Variants in RNF213 observed in about 807,000 individuals in gnomAD.
RNF213 encodes the protein ring finger protein 213.
In RNF213, 341 loss-of-function variants were observed where a neutral mutation model predicts 514.4. The ratio of observed to expected loss-of-function variants is 0.66; its 90% confidence interval spans 0.61 to 0.73. The LOEUF is 0.73. Ranked by LOEUF, RNF213 falls within the 30% of genes least tolerant of loss-of-function variation. The pLI is 0.00. For missense variants in RNF213, 5,767 were observed against 6,615.6 expected (o/e 0.87, Z 4.45); for synonymous variants, 2,655 against 2,658.2 (o/e 1.00, Z 0.04).
chr17:80,265,893 G>A (rs138069704), intron 2 of RNF213, among the ~76,000 whole-genome samples: 76 of 152,088 alleles, frequency 5.0e-4, no homozygotes, highest in Admixed American at 9.2e-4. Flanking sequence ...AATGTAGAAA[G>A]ACTCCATCTC....
In RNF213 at chr17:80,279,044, C is replaced by T. The variant is rs1598905136; in HGVS notation, c.261+5640C>T. On this transcript the variant is annotated intron_variant, in intron 3 of 67. Transcript: ENST00000582970. Reference sequence around the variant, plus strand: ...GAAGGCTGCCCAGGATGGGCGTTTTCGGGTCACCCTTGGGCTGTGAAAGAG... The same window carrying T: ...GAAGGCTGCCCAGGATGGGCGTTTTTGGGTCACCCTTGGGCTGTGAAAGAG... 1.8e-5 allele frequency: 22 copies of T among 1,194,092 alleles called. No homozygotes were observed. In the East Asian group the frequency reaches 2.8e-4, roughly 15 times the overall value. 74.0% of individuals were successfully genotyped at this position (1,194,092 alleles called of 1,614,324 possible).
chr17:80,345,485 C>T lies in RNF213; in HGVS notation c.7150C>T (p.Pro2384Ser). 6.2e-7 allele frequency: 1 copy of T among 1,610,232 alleles called. No individual in the cohort carries two copies. Among genetic ancestry groups the T allele is most frequent in the Non-Finnish European group, 8.5e-7 (1 of 1,177,138 alleles). ...LERLCLTLGI[P>S]QATDPDKTYE... ...GAGGCTCTGCCTGACCTTAGGGATC[C>T]CCCAGGCCACCGACCCCGACAAAAC... Residue 2384 changes from proline (P) to serine (S), a missense_variant, in exon 29 of 68, where the codon CCC becomes TCC. Pro to Ser is a moderately conservative substitution (Grantham distance 74). Transcript: ENST00000582970. This position sits in a 1 kb window ranked among gnomAD's most constrained non-coding sequence, Gnocchi z 6.0.
rs141120581 is a variant in RNF213, at chr17:80,306,374, T to C, written c.2333T>C (p.Ile778Thr). The C allele has an allele frequency of 9.7e-5, 156 of 1,614,214 alleles. 1 individual carries two copies. The Middle Eastern group carries it at 5.6e-3, about 58-fold the overall frequency. Residue 778 changes from isoleucine to threonine, a missense_variant, in exon 12 of 68, where the codon ATT becomes ACT. Ile to Thr is a moderately conservative substitution (Grantham distance 89, BLOSUM62 -1). Coordinates refer to ENST00000582970, the MANE Select transcript of RNF213 (RefSeq NM_001256071.3). ...CTGGTTATGTATATGGAAAACTTCA[T>C]TGAGCACCTGGGTCGTTTTCCTGCT... ...SHLVMYMENFIEHLGRFPAHI... is the reference protein window; with the variant it reads ...SHLVMYMENFTEHLGRFPAHI...
intron 39 of RNF213, 21 bp from the exon 40 acceptor site, chr17:80,363,081 A>G (rs755504553): frequency 1.9e-6 from 3 of 1,601,916 alleles, no homozygotes; most frequent in African/African-American, 1.3e-5. Flanking sequence ...AATATATTCT[A>G]AAAGCTTTTT....
chr17:80,331,997 C>T lies in RNF213; in HGVS notation c.3518-9C>T, dbSNP rs76356550. On this transcript the variant is annotated splice_polypyrimidine_tract_variant and intron_variant, in intron 20 of 67. Coordinates refer to ENST00000582970, the MANE Select transcript of RNF213 (RefSeq NM_001256071.3). ...TTTGACTTCTGACACTTTCTTTTCG[C>T]TTCTAAAGTGGACTTTGGAGTGCTT... 2,825 of 1,529,434 alleles carry T rather than the reference C, an allele frequency of 1.8e-3. 50 individuals carry two copies. The African/African-American group carries it at 0.034, about 18-fold the overall frequency. 94.7% of individuals were successfully genotyped at this position (1,529,434 alleles called of 1,614,324 possible). A position where few individuals can be genotyped will look rare whatever the true frequency, so the allele number is the denominator to read the frequency against.
intron 19 of RNF213, 112 bp from the exon 20 acceptor site, chr17:80,328,216 A>G (rs2046328118): frequency 3.0e-6 from 4 of 1,316,758 alleles, no homozygotes; most frequent in Non-Finnish European, 4.1e-6. Flanking sequence ...GCGCAAAACC[A>G]TCCTAGTCCT....
chr17:80,329,313 C>T (rs780657027), intron 20 of RNF213, among the ~76,000 whole-genome samples: 2 of 152,232 alleles, frequency 1.3e-5, no homozygotes, highest in African/African-American at 2.4e-5. Flanking sequence ...CTAGGTCAGT[C>T]GCTCGGCTAG....
chr17:80,379,071 G>A (rs1467096401), intron 54 of RNF213, among the ~76,000 whole-genome samples: 3 of 148,194 alleles, frequency 2.0e-5, no homozygotes, highest in Non-Finnish European at 4.5e-5. Context: ...GCATGCGTGT[G>A]GTCCCAGCTA....
intron 3 of RNF213, among the ~76,000 whole-genome samples, chr17:80,279,074 G>A (rs986071427): frequency 6.6e-6 from 1 of 152,250 alleles, no homozygotes; most frequent in African/African-American, 2.4e-5. Flanking sequence ...AAAGAGCAAC[G>A]CTGATTCAGG....
intron 28 of RNF213, 63 bp downstream of exon 28, chr17:80,344,078 G>C: frequency 6.4e-7 from 1 of 1,565,062 alleles, no homozygotes. Context: ...TGGTCTTACT[G>C]AAGTGGAATG....
rs567611527 is a variant in RNF213 at position 80,343,643 on chromosome 17, G to C, written c.6184-214G>C. ...ATCCTGGAGCCAATTGTAAAACGGT[G>C]TATTTATGTGTCTAAACATAAAAAT... is the stretch of plus-strand genomic sequence containing the variant. On this transcript the variant is annotated intron_variant, in intron 27 of 67. Coordinates refer to ENST00000582970, the MANE Select transcript of RNF213 (RefSeq NM_001256071.3). This position sits in a 1 kb window ranked among gnomAD's most constrained non-coding sequence, Gnocchi z 4.3. Among the ~76,000 whole-genome samples, 38 of 152,286 alleles carry C rather than the reference G, an allele frequency of 2.5e-4. No homozygotes were observed. Among genetic ancestry groups the C allele is most frequent in the Admixed American group, 1.3e-3 (20 of 15,292 alleles).
intron 56 of RNF213, 29 bp from the exon 57 acceptor site, chr17:80,381,518 C>G: frequency 1.9e-6 from 3 of 1,612,968 alleles, no homozygotes; most frequent in Non-Finnish European, 2.5e-6. Context: ...CAGATCCCCG[C>G]TGAACACTCT....
intron 17 of RNF213, among the ~76,000 whole-genome samples, chr17:80,323,835 G>GT (rs1568072144): frequency 1.3e-5 from 1 of 77,136 alleles, no homozygotes; most frequent in African/African-American, 8.0e-5. Flanking sequence ...ACTTTTTTTT[G>GT]GGGGGGGGTG....
Position 80,332,249 on chromosome 17 carries a change from C to G in RNF213, c.3761C>G (p.Ala1254Gly), listed in dbSNP as rs2046436629. The G allele has an allele frequency of 2.0e-6, 3 of 1,537,110 alleles. No homozygotes were observed. Among genetic ancestry groups the G allele is most frequent in the Non-Finnish European group, 8.7e-7 (1 of 1,146,936 alleles). ...GAGCCTAAGGAGGACCAGGAAGCCG[C>G]AGAGTTGCTGAGTGAGCCCGAAGAA... ...LSEPKEDQEAAELLSEPEEES... is the reference protein window; with the variant it reads ...LSEPKEDQEAGELLSEPEEES... The change falls in exon 21 of 68, where the codon GCA (alanine) becomes GGA (glycine). Residue 1254 changes from alanine (A) to glycine (G), a missense_variant. Physicochemically the swap from Ala to Gly is moderately conservative, Grantham distance 60. Transcript: ENST00000582970.
intron 38 of RNF213, among the ~76,000 whole-genome samples, chr17:80,361,294 A>G (rs1426625012): frequency 6.6e-6 from 1 of 152,202 alleles, no homozygotes; most frequent in Non-Finnish European, 1.5e-5. Flanking sequence ...CAAGGCCGGC[A>G]GATCACCTGA....
chr17:80,374,127 T>G (rs951173969), intron 49 of RNF213, among the ~76,000 whole-genome samples: 1 of 152,220 alleles, frequency 6.6e-6, no homozygotes, highest in African/African-American at 2.4e-5. Flanking sequence ...CCGGCACTGT[T>G]TGACTACCAC....
chr17:80,348,437 G>A, intron 29 of RNF213, 151 bp downstream of exon 29: 1 of 1,138,430 alleles, frequency 8.8e-7, no homozygotes, highest in Non-Finnish European at 1.3e-6. Flanking sequence ...GTAAGTGTGG[G>A]GAGTAGGTCC....
rs2043542835 is a variant in RNF213, at chr17:80,264,588, T to C, written c.97+810T>C. Among the ~76,000 whole-genome samples, 1 of 152,122 alleles carries C rather than the reference T, an allele frequency of 6.6e-6. No individual in the cohort carries two copies. The highest frequency in any genetic ancestry group is 2.4e-5 in the African/African-American group (1 of 41,442). ...GAGGGCACCTCATTCTTCCAGCTGC[T>C]TCTATCGGACCCATCACCCCGGGGC... On this transcript the variant is annotated intron_variant, in intron 2 of 67. Transcript: ENST00000582970. The surrounding 1 kb of genome is among the most constrained non-coding windows in gnomAD (Gnocchi z 5.0).
intron 2 of RNF213, among the ~76,000 whole-genome samples, chr17:80,269,542 C>A (rs1374317752): frequency 6.6e-6 from 1 of 151,680 alleles, no homozygotes; most frequent in Non-Finnish European, 1.5e-5. Flanking sequence ...TTCATCCATT[C>A]ATCTATCCAT....
Sources: gnomAD v4.1 joint callset for allele counts (sites outside exome capture counted in the v4.1 genomes callset) on GRCh38, gnomAD v4.1.1 for gene constraint, Gnocchi (gnomAD v3.1) non-coding constraint, MANE v1.5 for transcripts, NCBI Gene and HGNC (gene_info 2026-07-23, HGNC 2026-07-21) for gene names.